Variants in CDH12 observed in about 807,000 individuals in gnomAD.
The protein encoded by CDH12 is cadherin 12, also known as cadherin-12.
CDH12 carries 41 observed loss-of-function variants against 74.1 expected under a neutral mutation model. The ratio of observed to expected loss-of-function variants is 0.55; its 90% CI spans 0.43 to 0.72. The LOEUF (loss-of-function observed/expected upper bound fraction) is 0.72. CDH12 is among the 30% of genes least tolerant of loss of function. The pLI is 0.00. For synonymous variants in CDH12, 399 were observed against 355.0 expected (o/e 1.12, Z -1.39); for missense variants, 945 against 977.2 (o/e 0.97, Z 0.44).
intron 1 of CDH12, among the ~76,000 whole-genome samples, chr5:22,557,799 A>G (rs1364861468): frequency 6.6e-6 from 1 of 152,154 alleles, no homozygotes; most frequent in African/African-American, 2.4e-5. Context: ...GACTAATCTA[A>G]TTAGTCATTA....
At chr5:21,817,320 A>G (rs2149946356) in intron 8 of CDH12, among the ~76,000 whole-genome samples, 188 bp from the exon 9 acceptor site, 1 of 152,278 alleles carries the variant, frequency 6.6e-6, no homozygotes, top group South Asian at 2.1e-4. Flanking sequence ...TTTCTCTTCA[A>G]TATGTGCTGC....
intron 3 of CDH12, among the ~76,000 whole-genome samples, chr5:22,390,170 CTCTT>C (rs541913410): frequency 1.6e-3 from 247 of 152,164 alleles, no homozygotes; most frequent in African/African-American, 5.7e-3. Flanking sequence ...CTGTGAAAAA[CTCTT>C]ACTCCTGGAG....
chr5:22,434,189 A>G (rs1356024611), intron 2 of CDH12, among the ~76,000 whole-genome samples: 1 of 152,150 alleles, frequency 6.6e-6, no homozygotes, highest in African/African-American at 2.4e-5. Flanking sequence ...AATTGTTGAC[A>G]CAAGAACATA....
intron 1 of CDH12, among the ~76,000 whole-genome samples, chr5:22,509,610 G>T (rs1410733858): frequency 6.6e-6 from 1 of 152,134 alleles, no homozygotes; most frequent in Non-Finnish European, 1.5e-5. Context: ...TGAAATTCAG[G>T]CATCTTGGGT....
chr5:22,439,502 G>A (rs1744537160), intron 2 of CDH12, among the ~76,000 whole-genome samples: 1 of 152,028 alleles, frequency 6.6e-6, no homozygotes, highest in African/African-American at 2.4e-5. Context: ...GAAAACTACT[G>A]AGTTTAATAG....
intron 5 of CDH12, among the ~76,000 whole-genome samples, chr5:22,008,564 C>A (rs1480777633): frequency 1.3e-5 from 2 of 152,092 alleles, no homozygotes; most frequent in African/African-American, 4.8e-5. Flanking sequence ...ATTATGAAGA[C>A]CCTCAAGTTT....
Position 22,796,428 on chromosome 5 carries a change from A to G in CDH12, c.-523+56630T>C, listed in dbSNP as rs1310769885. Among the ~76,000 whole-genome samples the G allele has an allele frequency of 3.3e-5, 5 of 150,006 alleles. No homozygotes were observed. In the South Asian group the frequency reaches 1.1e-3, roughly 32 times the overall value. Reference sequence around the variant, plus strand: ...TGTGGTTTTGATTTGCATTTCAGTTATTAGTAGGATGCTGAACATTTTTTT... The same window carrying G: ...TGTGGTTTTGATTTGCATTTCAGTTGTTAGTAGGATGCTGAACATTTTTTT... On this transcript the variant is annotated intron_variant, in intron 1 of 14. Transcript: ENST00000382254.
At chr5:22,729,167 A>G (rs973129950) in intron 1 of CDH12, among the ~76,000 whole-genome samples, 3 of 151,840 alleles carry the variant, frequency 2.0e-5, no homozygotes, top group Non-Finnish European at 2.9e-5. Flanking sequence ...ATCAAGGCAG[A>G]TCATGGCAGG....
At chr5:22,462,469 T>TA (rs1303411052) in intron 2 of CDH12, among the ~76,000 whole-genome samples, 2 of 152,062 alleles carry the variant, frequency 1.3e-5, no homozygotes, top group Non-Finnish European at 2.9e-5. Context: ...AAACAGCAAC[T>TA]AAAAAACTAC....
chr5:22,282,200 A>G lies in CDH12; in HGVS notation c.-332-69557T>C, dbSNP rs563622905. Among the ~76,000 whole-genome samples the G allele has an allele frequency of 2.0e-5, 3 of 152,214 alleles. No homozygotes were observed. The East Asian group carries it at 5.8e-4, about 29-fold the overall frequency. ...AAACTGACTAGCCATATGCAGAAAA[A>G]TGAAACTGGACCCCTTTCTTAAACC... is the stretch of plus-strand genomic sequence containing the variant. On this transcript the variant is annotated intron_variant, in intron 3 of 14. Coordinates refer to ENST00000382254, the MANE Select transcript of CDH12 (RefSeq NM_004061.5).
chr5:22,600,392 T>C (rs1736801369), intron 1 of CDH12, among the ~76,000 whole-genome samples: 1 of 152,116 alleles, frequency 6.6e-6, no homozygotes, highest in South Asian at 2.1e-4. Context: ...ATTTGTAGAG[T>C]TTTAGTACGT....
chr5:22,484,081 A>C (rs1467575811), intron 2 of CDH12, among the ~76,000 whole-genome samples: 1 of 151,962 alleles, frequency 6.6e-6, no homozygotes. Context: ...AAATTCAAGA[A>C]AGTCACAAAG....
At chr5:21,883,690 T>C in intron 6 of CDH12, 1 of 1,611,636 alleles carries the variant, frequency 6.2e-7, no homozygotes, top group Non-Finnish European at 8.5e-7. Context: ...AAGGCTCAAC[T>C]TGAAAAACGT....
intron 1 of CDH12, among the ~76,000 whole-genome samples, chr5:22,850,248 A>G (rs1011279199): frequency 6.6e-6 from 1 of 152,050 alleles, no homozygotes; most frequent in African/African-American, 2.4e-5. Context: ...TACAGGCAGC[A>G]TAGTACACAT....
intron 1 of CDH12, among the ~76,000 whole-genome samples, chr5:22,663,258 C>A (rs1354206705): frequency 2.6e-5 from 4 of 152,126 alleles, no homozygotes; most frequent in African/African-American, 4.8e-5. Context: ...ATTCCAGATA[C>A]CTTTTATCTA....
rs112180139 is a variant in CDH12 at position 21,887,951 on chromosome 5, C to T, written c.527-33161G>A. On this transcript the variant is annotated intron_variant, in intron 6 of 14. Coordinates refer to ENST00000382254, the MANE Select transcript of CDH12 (RefSeq NM_004061.5). ...CTTAGTTCCAGGTTTTCTTTCACCTCTTTCCATTAGCACTAATTAACGAGC... is the reference window on the plus strand; with the variant it reads ...CTTAGTTCCAGGTTTTCTTTCACCTTTTTCCATTAGCACTAATTAACGAGC... 7.8e-3 allele frequency among the ~76,000 whole-genome samples: 1,184 copies of T among 151,900 alleles called. 15 individuals are homozygous for T. The highest frequency in any genetic ancestry group is 0.027 in the African/African-American group (1,120 of 41,400).
intron 2 of CDH12, among the ~76,000 whole-genome samples, chr5:22,417,693 T>C (rs1472303281): frequency 6.6e-6 from 1 of 152,268 alleles, no homozygotes; most frequent in Non-Finnish European, 1.5e-5. Flanking sequence ...TGCATTCTTC[T>C]GCATTCTATC....
rs1042180794 is a variant in CDH12, at chr5:21,884,576, T to C, written c.527-29786A>G. Among the ~76,000 whole-genome samples, 6 of 152,256 alleles carry C rather than the reference T, an allele frequency of 3.9e-5. No individual in the cohort carries two copies. In the East Asian group the frequency reaches 7.7e-4, roughly 20 times the overall value. On this transcript the variant is annotated intron_variant, in intron 6 of 14. Transcript: ENST00000382254. The stretch of plus-strand genomic sequence containing the variant: ...CCTGATACTGGGTACAAGAGCCATG[T>C]ACCAATGTACTGCTTTCAACCTAAA...
chr5:22,180,978 T>C (rs113200842), intron 4 of CDH12, among the ~76,000 whole-genome samples: 39 of 152,166 alleles, frequency 2.6e-4, no homozygotes, highest in African/African-American at 8.0e-4. Flanking sequence ...GTATTTGACA[T>C]TGACTACTTA....
Sources: gnomAD v4.1 joint callset for allele counts (sites outside exome capture counted in the v4.1 genomes callset) on GRCh38, gnomAD v4.1.1 for gene constraint, MANE v1.5 for transcripts, NCBI Gene and HGNC (gene_info 2026-07-23, HGNC 2026-07-21) for gene names.